RBM25: variants seen among roughly 807,000 people sequenced by gnomAD.
The protein encoded by RBM25 is RNA-binding protein 25.
In RBM25, 19 loss-of-function variants were observed where a neutral mutation model predicts 120.7. That is an observed-to-expected ratio of 0.16 (90% confidence interval 0.11 to 0.23). The LOEUF (loss-of-function observed/expected upper bound fraction) is 0.23, where lower values mean the gene tolerates loss of function less well. RBM25 is among the 10% of genes least tolerant of loss of function. The pLI is 1.00. For missense variants in RBM25, 605 were observed against 1,041.5 expected (o/e 0.58, Z 5.77); for synonymous variants, 390 against 326.7 (o/e 1.19, Z -2.09).
Position 73,103,948 on chromosome 14 carries a change from TCACA to T in RBM25, c.1154+514_1154+517del, listed in dbSNP as rs368961634. On this transcript the variant is annotated intron_variant, in intron 10 of 18. Coordinates refer to ENST00000261973, the MANE Select transcript of RBM25 (RefSeq NM_021239.3). ...CTCTCTCTCTCTCTCTCTCTCTCTC[TCACA>T]CACACACACACACACACACACACAC... Among the ~76,000 whole-genome samples the T allele has an allele frequency of 1.1e-3, 104 of 91,284 alleles. 1 individual carries two copies. The highest frequency in any genetic ancestry group is 2.0e-3 in the Admixed American group (17 of 8,616). The allele number at this position is 91,284 out of a possible 152,430, so 59.9% of individuals were successfully genotyped here.
At chr14:73,093,754 G>C (rs1330930150) in intron 6 of RBM25, among the ~76,000 whole-genome samples, 1 of 151,890 alleles carries the variant, frequency 6.6e-6, no homozygotes. Flanking sequence ...TGGTCCACCC[G>C]CCTCGGCCTC....
intron 18 of RBM25, among the ~76,000 whole-genome samples, chr14:73,117,034 A>AT (rs1286783327): frequency 6.6e-6 from 1 of 152,002 alleles, no homozygotes; most frequent in Non-Finnish European, 1.5e-5. Flanking sequence ...GTTTGGTTGC[A>AT]TTTTGTGCCT....
intron 16 of RBM25, 130 bp downstream of exon 16, chr14:73,111,932 C>A: frequency 2.4e-6 from 3 of 1,232,030 alleles, no homozygotes; most frequent in Non-Finnish European, 3.4e-6. Context: ...CATCTTGACA[C>A]CAACTCAATG....
chr14:73,111,156 GT>G lies in RBM25; in HGVS notation c.2017+2del. The G allele has an allele frequency of 6.3e-7, 1 of 1,592,822 alleles. No individual in the cohort carries two copies. The highest frequency in any genetic ancestry group is 8.6e-7 in the Non-Finnish European group (1 of 1,162,042). On this transcript the variant is annotated splice_donor_variant, in intron 15 of 18. Transcript: ENST00000261973. LOFTEE classifies it high-confidence loss of function. ...AAAATAGGACTAAGTCTTAAACTGG[GT>G]ACGTTAGCATTTCCTTCCTTCTTTA...
At position 73,123,520 on chromosome 14, in the gene RBM25, A is replaced by G. The variant is rs1896569995; in HGVS notation, c.*3715A>G. ...GATGAGGGATTGATTTGTGAATGTC[A>G]CTGGAGATAAAAGGGTATGAGAAGG... is the stretch of plus-strand genomic sequence containing the variant. On this transcript the variant is annotated 3_prime_UTR_variant, in exon 19 of 19. Coordinates refer to ENST00000261973, the MANE Select transcript of RBM25 (RefSeq NM_021239.3). 1 of 152,292 alleles carries G rather than the reference A, an allele frequency of 6.6e-6. No individual in the cohort carries two copies. Among genetic ancestry groups the G allele is most frequent in the East Asian group, 1.9e-4 (1 of 5,178 alleles). 9.4% of individuals were successfully genotyped at this position (152,292 alleles called of 1,614,324 possible).
rs373729624 is a variant in RBM25 at position 73,106,002 on chromosome 14, G to A, written c.1298G>A (p.Arg433Gln). 8 of 1,613,690 alleles carry A rather than the reference G, an allele frequency of 5.0e-6. No homozygotes were observed. Among genetic ancestry groups the A allele is most frequent in the African/African-American group, 2.7e-5 (2 of 74,810 alleles). ...AGAGAAAAAGACAAAAAACGGGACCGAGAAGAAGATGAAGAAGATGCATAC... is the reference window on the plus strand; with the variant it reads ...AGAGAAAAAGACAAAAAACGGGACCAAGAAGAAGATGAAGAAGATGCATAC... ...REREKDKKRD[R>Q]EEDEEDAYER... The change falls in exon 11 of 19, where the codon CGA becomes CAA. Residue 433 changes from arginine (R) to glutamine (Q), a missense_variant. Arg to Gln is a conservative substitution (Grantham distance 43, BLOSUM62 1). Transcript: ENST00000261973.
chr14:73,104,556 C>G (rs964111348), intron 10 of RBM25, among the ~76,000 whole-genome samples: 1 of 151,662 alleles, frequency 6.6e-6, no homozygotes, highest in East Asian at 1.9e-4. Context: ...TTTGTAGAGT[C>G]TAGGTTTTGC....
chr14:73,100,403 C>T, intron 9 of RBM25: 3 of 592,592 alleles, frequency 5.1e-6, no homozygotes, highest in Non-Finnish European at 9.3e-6. Context: ...TTATGGATGC[C>T]CCCTCAGAAA....
intron 17 of RBM25, among the ~76,000 whole-genome samples, chr14:73,112,895 C>G (rs1357217480): frequency 6.6e-6 from 1 of 152,074 alleles, no homozygotes; most frequent in Non-Finnish European, 1.5e-5. Flanking sequence ...CTTTGAACGC[C>G]CAGCCTAGAC....
intron 15 of RBM25, 22 bp from the exon 16 acceptor site, chr14:73,111,506 T>C (rs367685325): frequency 6.4e-7 from 1 of 1,567,638 alleles, no homozygotes; most frequent in Non-Finnish European, 8.6e-7. Context: ...GTCATCTTGC[T>C]AAGAGAGTGT....
chr14:73,082,884 A>G (rs1056049963), intron 4 of RBM25, among the ~76,000 whole-genome samples: 1 of 150,344 alleles, frequency 6.7e-6, no homozygotes, highest in African/African-American at 2.4e-5. Flanking sequence ...ATATGGTGAA[A>G]CCCCGTCTCT....
rs187702011 is a variant in RBM25, at chr14:73,097,135, G to A, written c.729+35G>A. On this transcript the variant is annotated intron_variant, in intron 7 of 18. Transcript: ENST00000261973. Reference sequence around the variant, plus strand: ...CTGACAACAACATATCATTTCTACCGTTTGTTTTTTATGATATCACTCTTA... The same window carrying A: ...CTGACAACAACATATCATTTCTACCATTTGTTTTTTATGATATCACTCTTA... The A allele has an allele frequency of 8.8e-5, 126 of 1,424,118 alleles. No individual in the cohort carries two copies. The African/African-American group carries it at 9.5e-4, about 11-fold the overall frequency. 88.2% of individuals were successfully genotyped at this position (1,424,118 alleles called of 1,614,324 possible). A position where few individuals can be genotyped will look rare whatever the true frequency, so the allele number is the denominator to read the frequency against.
In RBM25 at chr14:73,076,347, C is replaced by T. The variant is rs757288374; in HGVS notation, c.135C>T (p.Ser45=). 1.2e-6 allele frequency: 2 copies of T among 1,612,460 alleles called. No homozygotes were observed. Among genetic ancestry groups the T allele is most frequent in the Non-Finnish European group, 1.7e-6 (2 of 1,178,650 alleles). Residue 45 remains serine, a synonymous_variant, in exon 3 of 19, where the codon AGC becomes AGT. Coordinates refer to ENST00000261973, the MANE Select transcript of RBM25 (RefSeq NM_021239.3). ...CCCCAATGATTCCTGTACCAATGAG[C>T]ATTATGGCTCCTGCTCCAACTGTAA... ...PGTPMIPVPM[S]IMAPAPTVLV... is the part of the protein sequence containing the mutation.
Position 73,115,061 on chromosome 14 carries a change from A to G in RBM25, c.2439+728A>G, listed in dbSNP as rs995056792. ...ATGTACTTGTTTGAATTAGATATGTAGAAAGGATAATGGAGGTAGAGGAGA... is the reference window on the plus strand; with the variant it reads ...ATGTACTTGTTTGAATTAGATATGTGGAAAGGATAATGGAGGTAGAGGAGA... On this transcript the variant is annotated intron_variant, in intron 18 of 18. Coordinates refer to ENST00000261973, the MANE Select transcript of RBM25 (RefSeq NM_021239.3). Among the ~76,000 whole-genome samples, 5 of 152,198 alleles carry G rather than the reference A, an allele frequency of 3.3e-5. 1 individual carries two copies. The highest frequency in any genetic ancestry group is 6.5e-5 in the Admixed American group (1 of 15,278).
rs191058655 is a variant in RBM25 at position 73,109,195 on chromosome 14, G to A, written c.1542-147G>A. 327 of 760,040 alleles carry A rather than the reference G, an allele frequency of 4.3e-4. 1 individual carries two copies. In the African/African-American group the frequency reaches 5.0e-3, roughly 12 times the overall value. 47.1% of individuals were successfully genotyped at this position (760,040 alleles called of 1,614,324 possible). ...TTACATGTAGAGAGCACACTCTGGT[G>A]TGTTCCGTAGATACAGAACATTAAG... is the stretch of plus-strand genomic sequence containing the variant. On this transcript the variant is annotated intron_variant, in intron 13 of 18. Transcript: ENST00000261973.
intron 14 of RBM25, 31 bp downstream of exon 14, chr14:73,109,523 G>A (rs370746546): frequency 1.3e-6 from 2 of 1,594,762 alleles, no homozygotes; most frequent in East Asian, 2.3e-5. Context: ...GTCGGGCGCG[G>A]TGGCTCACGC....
At chr14:73,061,531 C>G (rs1287062182) in intron 1 of RBM25, among the ~76,000 whole-genome samples, 16 of 151,014 alleles carry the variant, frequency 1.1e-4, no homozygotes, top group Admixed American at 1.1e-3. Context: ...CAGGCAAGCC[C>G]TCATTTTTCT....
intron 1 of RBM25, among the ~76,000 whole-genome samples, chr14:73,059,750 C>G (rs1894955790): frequency 6.6e-6 from 1 of 152,184 alleles, no homozygotes; most frequent in Non-Finnish European, 1.5e-5. Flanking sequence ...ATAAGTTACT[C>G]ATGATTCAAG....
intron 13 of RBM25, 101 bp downstream of exon 13, chr14:73,108,000 A>G (rs1896225290): frequency 2.5e-6 from 2 of 793,638 alleles, no homozygotes; most frequent in Admixed American, 2.6e-5. Flanking sequence ...GGAATAAGAA[A>G]AACAAACTTT....
Sources: allele counts gnomAD v4.1 joint callset (sites outside exome capture counted in the v4.1 genomes callset), GRCh38; gene constraint gnomAD v4.1.1; transcripts MANE v1.5; gene names NCBI Gene and HGNC (gene_info 2026-07-23, HGNC 2026-07-21).